Variants in EPB41L1 observed in about 807,000 individuals in gnomAD.
EPB41L1 encodes band 4.1-like protein 1.
A neutral mutation model predicts 97.8 loss-of-function variants in EPB41L1; 29 were observed. The observed-to-expected ratio is 0.30, with a 90% confidence interval of 0.22 to 0.40. EPB41L1 has a LOEUF of 0.40. EPB41L1 is among the 10% of genes least tolerant of loss of function. EPB41L1 has a pLI of 1.00. For missense variants in EPB41L1, 812 were observed against 1,162.3 expected (o/e 0.70, Z 4.38); for synonymous variants, 383 against 459.2 (o/e 0.83, Z 2.12).
Position 36,232,351 on chromosome 20 carries a change from A to T in EPB41L1, c.*3011A>T. On this transcript the variant is annotated 3_prime_UTR_variant, in exon 22 of 22. Coordinates refer to ENST00000338074, the MANE Select transcript of EPB41L1 (RefSeq NM_012156.2). ...GGTGACCATCCTGGCTCAGCTCCTA[A>T]CTCACCATGTGACATCAGGCTATCC... The T allele has an allele frequency of 2.9e-6, 1 of 348,508 alleles. No individual in the cohort carries two copies. 21.6% of individuals were successfully genotyped at this position (348,508 alleles called of 1,614,324 possible).
At chr20:36,099,030 G>T (rs184984133) in intron 1 of EPB41L1, among the ~76,000 whole-genome samples, 1 of 152,124 alleles carries the variant, frequency 6.6e-6, no homozygotes, top group Admixed American at 6.5e-5. Context: ...TTAGCCAGGC[G>T]TGGTGGCGGG....
intron 14 of EPB41L1, chr20:36,208,374 G>T (rs139194637): frequency 4.9e-5 from 22 of 448,990 alleles, no homozygotes; most frequent in African/African-American, 3.8e-4. Context: ...GGGAAGGGGG[G>T]GCGCCTGAGA....
chr20:36,153,196 C>T (rs1162434342), upstream of EPB41L1: 6 of 419,652 alleles, frequency 1.4e-5, no homozygotes, highest in South Asian at 8.6e-5. Flanking sequence ...AGGGCATAGC[C>T]TCATTCTTTG....
chr20:36,204,553 C>T (rs747766277), intron 14 of EPB41L1, among the ~76,000 whole-genome samples: 8 of 142,622 alleles, frequency 5.6e-5, no homozygotes, highest in Non-Finnish European at 1.2e-4. Flanking sequence ...GGTGCGATCT[C>T]GGCTCACCGC....
intron 2 of EPB41L1, chr20:36,125,516 C>T (rs372719255): frequency 9.3e-6 from 14 of 1,513,468 alleles, no homozygotes; most frequent in South Asian, 2.4e-5. Context: ...ACCTACTGAG[C>T]GCTCAGTAAA....
chr20:36,167,315 G>T (rs1328589720), intron 1 of EPB41L1, among the ~76,000 whole-genome samples: 3 of 152,176 alleles, frequency 2.0e-5, no homozygotes, highest in Non-Finnish European at 4.4e-5. Flanking sequence ...AGTGGTGGGA[G>T]CTGATGCTGA....
chr20:36,121,275 T>C (rs1018611897), intron 2 of EPB41L1, among the ~76,000 whole-genome samples: 19 of 152,262 alleles, frequency 1.2e-4, no homozygotes, highest in African/African-American at 3.8e-4. Context: ...TGTTTGGTTA[T>C]AGCAGCCCGA....
chr20:36,188,032 A>C (rs865978968), intron 8 of EPB41L1, among the ~76,000 whole-genome samples: 1 of 152,188 alleles, frequency 6.6e-6, no homozygotes. Context: ...GTTTATTTCT[A>C]TATCCCTAGC....
chr20:36,135,443 A>AT lies in EPB41L1; in HGVS notation c.-10+22964dup, dbSNP rs34943021. On this transcript the variant is annotated intron_variant, in intron 2 of 19. Coordinates refer to the EPB41L1 transcript ENST00000202028. Reference sequence around the variant, plus strand: ...GAGGTCAGGAGTCAGCGGGTTTGGAATCCCCCCTCTGCTCACCATCTGTGT... The same window carrying AT: ...GAGGTCAGGAGTCAGCGGGTTTGGAATTCCCCCCTCTGCTCACCATCTGTGT... 1.1e-3 allele frequency among the ~76,000 whole-genome samples: 172 copies of AT among 152,244 alleles called. 1 individual carries two copies. Among genetic ancestry groups the AT allele is most frequent in the Middle Eastern group, 0.01 (3 of 294 alleles).
intron 21 of EPB41L1, among the ~76,000 whole-genome samples, chr20:36,225,686 T>TG (rs2064101311): frequency 6.6e-6 from 1 of 152,196 alleles, no homozygotes; most frequent in African/African-American, 2.4e-5. Context: ...TTTGCTTTCC[T>TG]GGGGTATCTG....
chr20:36,191,252 G>T (rs1448915724), intron 11 of EPB41L1, among the ~76,000 whole-genome samples: 2 of 152,122 alleles, frequency 1.3e-5, no homozygotes, highest in African/African-American at 2.4e-5. Flanking sequence ...TATGACTGCA[G>T]TGTGGAGCTG....
In EPB41L1 at chr20:36,230,619, C is replaced by G. The variant is rs993896920; in HGVS notation, c.*1279C>G. The G allele has an allele frequency of 6.6e-6, 1 of 152,366 alleles. No homozygotes were observed. Among genetic ancestry groups the G allele is most frequent in the African/African-American group, 2.4e-5 (1 of 41,556 alleles). The allele number at this position is 152,366 out of a possible 1,614,324, so 9.4% of individuals were successfully genotyped here. ...AGTTCAAGACACCTTCTCCCTGCCC[C>G]CCTGGTAGTAACAGTCAGGGCCTGG... On this transcript the variant is annotated 3_prime_UTR_variant, in exon 22 of 22. Coordinates refer to ENST00000338074, the MANE Select transcript of EPB41L1 (RefSeq NM_012156.2).
At chr20:36,145,481 A>T (rs1188724114) in intron 2 of EPB41L1, among the ~76,000 whole-genome samples, 2 of 152,076 alleles carry the variant, frequency 1.3e-5, no homozygotes, top group Non-Finnish European at 2.9e-5. Flanking sequence ...CCTGATAGGA[A>T]GAGATGAACA....
intron 1 of EPB41L1, among the ~76,000 whole-genome samples, chr20:36,099,453 C>G (rs1474363377): frequency 6.6e-6 from 1 of 152,174 alleles, no homozygotes; most frequent in Non-Finnish European, 1.5e-5. Context: ...TGAGAAAGCT[C>G]TTTGTAAATT....
At chr20:36,110,404 C>T (rs997314143) in intron 1 of EPB41L1, among the ~76,000 whole-genome samples, 8 of 152,138 alleles carry the variant, frequency 5.3e-5, no homozygotes, top group African/African-American at 1.9e-4. Flanking sequence ...CAGCTCAGCC[C>T]CAGCAGGATG....
intron 5 of EPB41L1, among the ~76,000 whole-genome samples, chr20:36,181,999 T>G (rs2061489703): frequency 6.6e-6 from 1 of 152,196 alleles, no homozygotes. Context: ...TGAAGTAATG[T>G]TTGTAAAGCA....
chr20:36,191,803 C>T (rs1355436801), intron 11 of EPB41L1, among the ~76,000 whole-genome samples: 1 of 152,188 alleles, frequency 6.6e-6, no homozygotes, highest in East Asian at 1.9e-4. Context: ...ATACATAGTA[C>T]CTACTTTGCT....
intron 1 of EPB41L1, among the ~76,000 whole-genome samples, chr20:36,107,376 A>G (rs1004328708): frequency 6.6e-6 from 1 of 151,190 alleles, no homozygotes; most frequent in Non-Finnish European, 1.5e-5. Context: ...GCACACCACC[A>G]TACCCGGCTA....
intron 21 of EPB41L1, among the ~76,000 whole-genome samples, chr20:36,225,847 G>A (rs771502191): frequency 1.1e-4 from 17 of 152,076 alleles, no homozygotes; most frequent in Admixed American, 6.6e-4. Flanking sequence ...CCACCCCGCC[G>A]CGATGCAGTC....
Sources: allele counts gnomAD v4.1 joint callset (sites outside exome capture counted in the v4.1 genomes callset), GRCh38; gene constraint gnomAD v4.1.1; transcripts MANE v1.5; gene names NCBI Gene and HGNC (gene_info 2026-07-23, HGNC 2026-07-21).